The following GSR variants were observed in gnomAD, a reference collection of about 807,000 sequenced individuals.
GSR encodes the protein glutathione reductase, mitochondrial.
Under a neutral mutation model 56.5 loss-of-function variants are expected in GSR, and 48 were observed. The observed-to-expected ratio is 0.85, with a 90% CI of 0.67 to 1.08. The LOEUF is 1.08. GSR is among the 50% of genes least tolerant of loss of function. The pLI, the probability that GSR is intolerant of heterozygous loss-of-function variation, is 0.00. For missense variants in GSR, 694 were observed against 703.3 expected (o/e 0.99, Z 0.15); for synonymous variants, 264 against 270.8 (o/e 0.97, Z 0.25).
intron 1 of GSR, among the ~76,000 whole-genome samples, chr8:30,717,651 C>T (rs577913472): frequency 1.1e-4 from 17 of 152,228 alleles, no homozygotes; most frequent in Admixed American, 5.9e-4. Context: ...AATCTAATTG[C>T]TGATGATCTG....
chr8:30,690,249 T>C (rs1019166234), intron 8 of GSR, among the ~76,000 whole-genome samples: 2 of 151,454 alleles, frequency 1.3e-5, no homozygotes, highest in African/African-American at 4.9e-5. Flanking sequence ...AAGATCAGCC[T>C]CCTGGACTCA....
chr8:30,707,522 T>G (rs1414818284), intron 4 of GSR, among the ~76,000 whole-genome samples: 1 of 152,180 alleles, frequency 6.6e-6, no homozygotes, highest in Admixed American at 6.5e-5. Flanking sequence ...TAGCCAGGTG[T>G]GGTGGTGCAT....
At chr8:30,709,685 TAAACTGTA>T in intron 3 of GSR, 121 bp downstream of exon 3, 1 of 707,286 alleles carries the variant, frequency 1.4e-6, no homozygotes, top group Middle Eastern at 2.4e-4. Flanking sequence ...TAAAAATGGC[TAAACTGTA>T]AATCTCGTAT....
In GSR at chr8:30,684,172, T is replaced by C. The variant is rs75673983; in HGVS notation, c.1069A>G (p.Ile357Val). The change falls in exon 10 of 13, where the codon ATC becomes GTC. Residue 357 changes from isoleucine (I) to valine (V), a missense_variant. Ile to Val is a conservative substitution (Grantham distance 29). Coordinates refer to ENST00000221130, the MANE Select transcript of GSR (RefSeq NM_000637.5). ...GTATTCTGGAATTCGTCTACGATGA[T>C]ATGACCCTTGTCATCGGTTTGAATC... The part of the protein sequence containing the change: ...LGIQTDDKGH[I>V]IVDEFQNTNV... The C allele has an allele frequency of 1.1e-3, 1,803 of 1,603,158 alleles. 19 individuals carry two copies. The African/African-American group carries it at 0.02, about 18-fold the overall frequency.
intron 6 of GSR, among the ~76,000 whole-genome samples, chr8:30,699,818 A>C (rs1017107935): frequency 6.6e-6 from 1 of 152,146 alleles, no homozygotes; most frequent in Non-Finnish European, 1.5e-5. Flanking sequence ...AAGTTGAAGA[A>C]AGAAGACAGT....
In GSR at chr8:30,708,085, T is replaced by A; in HGVS notation, c.479A>T (p.Asn160Ile). 6.2e-7 allele frequency: 1 copy of A among 1,612,768 alleles called. No homozygotes were observed. The highest frequency in any genetic ancestry group is 8.5e-7 in the Non-Finnish European group (1 of 1,178,750). ...YVSRLNAIYQ[N>I]NLTKSHIEII... ...CAGCATACACACCTTGGTGAGATTG[T>A]TTTGATAGATGGCATTCAGGCGGCT... Residue 160 changes from asparagine (N) to isoleucine (I), a missense_variant, in exon 4 of 13, where the codon AAC (asparagine) becomes ATC (isoleucine). Physicochemically the swap from Asn to Ile is moderately radical, Grantham distance 149. Coordinates refer to ENST00000221130, the MANE Select transcript of GSR (RefSeq NM_000637.5).
intron 9 of GSR, among the ~76,000 whole-genome samples, chr8:30,685,985 C>CAAAAAAAAAAAAA (rs71206274): frequency 5.4e-5 from 2 of 37,234 alleles, no homozygotes; most frequent in African/African-American, 2.3e-4. Context: ...GACTCTGCCT[C>CAAAAAAAAAAAAA]AAAAAAAAAA....
At chr8:30,713,878 T>C (rs1190096006) in intron 1 of GSR, among the ~76,000 whole-genome samples, 16 of 152,308 alleles carry the variant, frequency 1.1e-4, no homozygotes, top group Non-Finnish European at 8.8e-5. Context: ...TCCTTGAAGC[T>C]TGGTGATAAC....
chr8:30,679,253 A>G lies in GSR; in HGVS notation c.*267T>C. On this transcript the variant is annotated 3_prime_UTR_variant, in exon 13 of 13. Coordinates refer to ENST00000221130, the MANE Select transcript of GSR (RefSeq NM_000637.5). ...TTGGGATGAGGCTAAAACAGAAAAAAAAAACTAGCACAGAGCTGTTAATAA... is the reference window on the plus strand; with the variant it reads ...TTGGGATGAGGCTAAAACAGAAAAAGAAAACTAGCACAGAGCTGTTAATAA... 2.1e-6 allele frequency: 1 copy of G among 473,412 alleles called. No homozygotes were observed. Among genetic ancestry groups the G allele is most frequent in the Non-Finnish European group, 3.8e-6 (1 of 264,768 alleles). 29.3% of individuals were successfully genotyped at this position (473,412 alleles called of 1,614,324 possible). A position where few individuals can be genotyped will look rare whatever the true frequency, so the allele number is the denominator to read the frequency against.
At chr8:30,688,963 A>C (rs1346748296) in intron 9 of GSR, among the ~76,000 whole-genome samples, 198 bp downstream of exon 9, 2 of 152,254 alleles carry the variant, frequency 1.3e-5, no homozygotes, top group African/African-American at 2.4e-5. Context: ...AGAAAGGAAA[A>C]GGAAAGAAGA....
chr8:30,696,394 T>C lies in GSR; in HGVS notation c.781A>G (p.Ile261Val), dbSNP rs8190997. The change falls in exon 7 of 13, where the codon ATA becomes GTA. Residue 261 changes from isoleucine (I) to valine (V), a missense_variant. By Grantham distance (29) the Ile-to-Val change is conservative. Transcript: ENST00000221130. Reference protein sequence around the residue: ...SALGSKTSLMIRHDKVLRSFD... With the variant: ...SALGSKTSLMVRHDKVLRSFD... Reference sequence around the variant, plus strand: ...GTGGCATTTACCTTATCATGCCGTATCATCAGTGATGTCTTAGAACCCAGG... The same window carrying C: ...GTGGCATTTACCTTATCATGCCGTACCATCAGTGATGTCTTAGAACCCAGG... The C allele has an allele frequency of 4.3e-5, 69 of 1,597,140 alleles. No individual in the cohort carries two copies. The highest frequency in any genetic ancestry group is 5.8e-5 in the Non-Finnish European group (68 of 1,164,576).
chr8:30,714,052 G>A (rs2128747315), intron 1 of GSR, among the ~76,000 whole-genome samples: 1 of 152,200 alleles, frequency 6.6e-6, no homozygotes, highest in South Asian at 2.1e-4. Context: ...AAAGAAAGTT[G>A]CAGAATAGTA....
intron 6 of GSR, among the ~76,000 whole-genome samples, chr8:30,699,469 G>A (rs763051158): frequency 3.3e-5 from 5 of 151,856 alleles, no homozygotes; most frequent in Admixed American, 1.3e-4. Flanking sequence ...TTAGCGGGGC[G>A]TGGTGGCACT....
Position 30,700,058 on chromosome 8 carries a change from GAGGTC to G in GSR, c.695+18_695+22del. The G allele has an allele frequency of 6.3e-7, 1 of 1,579,484 alleles. No individual in the cohort carries two copies. Among genetic ancestry groups the G allele is most frequent in the Admixed American group, 1.7e-5 (1 of 59,956 alleles). ...AGACAGTAAGGAAGAATGAGTCACT[GAGGTC>G]AGGTCAGGTTGGCTTACCCGGGCAA... is the stretch of plus-strand genomic sequence containing the variant. On this transcript the variant is annotated intron_variant, in intron 6 of 12. Transcript: ENST00000221130.
chr8:30,726,699 C>T (rs1804736924), intron 1 of GSR, among the ~76,000 whole-genome samples: 1 of 152,080 alleles, frequency 6.6e-6, no homozygotes, highest in African/African-American at 2.4e-5. Flanking sequence ...GAGTTCGAGG[C>T]TGCAGTGAGC....
At chr8:30,710,779 G>GAAAAAAAAAA (rs1804114984) in intron 2 of GSR, among the ~76,000 whole-genome samples, 1 of 101,828 alleles carries the variant, frequency 9.8e-6, no homozygotes, top group African/African-American at 3.6e-5. Flanking sequence ...ATATATAAAT[G>GAAAAAAAAAA]AACATACATA....
chr8:30,699,975 A>C, intron 6 of GSR, 106 bp downstream of exon 6: 1 of 817,156 alleles, frequency 1.2e-6, no homozygotes, highest in Non-Finnish European at 2.2e-6. Flanking sequence ...AGAGGAGGGA[A>C]TTCAGGAAAG....
chr8:30,722,635 G>T (rs564625762), intron 1 of GSR, among the ~76,000 whole-genome samples: 1 of 151,596 alleles, frequency 6.6e-6, no homozygotes, highest in Non-Finnish European at 1.5e-5. Flanking sequence ...GGGAGGCTGA[G>T]GTGGGAGGGT....
At chr8:30,714,765 TC>T (rs1246860650) in intron 1 of GSR, among the ~76,000 whole-genome samples, 1 of 152,128 alleles carries the variant, frequency 6.6e-6, no homozygotes, top group Non-Finnish European at 1.5e-5. Context: ...ACTCCTGAGA[TC>T]AAGTGATTCT....
Sources: allele counts gnomAD v4.1 joint callset (sites outside exome capture counted in the v4.1 genomes callset), GRCh38; gene constraint gnomAD v4.1.1; transcripts MANE v1.5; gene names NCBI Gene and HGNC (gene_info 2026-07-23, HGNC 2026-07-21).